Variants in FAM124A observed in about 807,000 individuals in gnomAD.
FAM124A encodes protein FAM124A.
FAM124A carries 23 observed loss-of-function variants against 24.5 expected under a neutral mutation model. That is an observed-to-expected ratio of 0.94 (90% CI 0.68 to 1.33). The LOEUF (loss-of-function observed/expected upper bound fraction) is 1.33. FAM124A is among the 40% of genes most tolerant of loss of function. FAM124A has a pLI of 0.00. For missense variants in FAM124A, 623 were observed against 722.8 expected (o/e 0.86, Z 1.58); for synonymous variants, 287 against 314.7 (o/e 0.91, Z 0.93).
intron 1 of FAM124A, among the ~76,000 whole-genome samples, chr13:51,229,257 A>C (rs891112245): frequency 6.6e-5 from 10 of 152,328 alleles, no homozygotes; most frequent in South Asian, 2.1e-4. Flanking sequence ...ATCCAGAGAG[A>C]GACATGATCA....
At chr13:51,274,278 C>T (rs1954865373) in intron 3 of FAM124A, among the ~76,000 whole-genome samples, 1 of 152,130 alleles carries the variant, frequency 6.6e-6, no homozygotes, top group South Asian at 2.1e-4. Flanking sequence ...CTCTGAAATG[C>T]TTGGGATCAG....
intron 3 of FAM124A, among the ~76,000 whole-genome samples, chr13:51,262,691 G>A (rs1371839601): frequency 1.3e-5 from 2 of 152,174 alleles, no homozygotes; most frequent in Non-Finnish European, 2.9e-5. Flanking sequence ...GCTTCATGCT[G>A]AGAGAATGAG....
intron 3 of FAM124A, chr13:51,253,203 T>C: frequency 6.6e-6 from 1 of 152,228 alleles, no homozygotes; most frequent in East Asian, 1.9e-4. Flanking sequence ...GCAAAGATTG[T>C]GGTTACTTGA....
At chr13:51,262,017 G>A (rs753297493) in intron 3 of FAM124A, among the ~76,000 whole-genome samples, 24 of 152,318 alleles carry the variant, frequency 1.6e-4, no homozygotes, top group Non-Finnish European at 3.2e-4. Context: ...TGAGAGCCAC[G>A]GCATAGGGAA....
At chr13:51,255,323 C>T (rs1446671115) in intron 3 of FAM124A, among the ~76,000 whole-genome samples, 2 of 152,190 alleles carry the variant, frequency 1.3e-5, no homozygotes, top group African/African-American at 4.8e-5. Context: ...ATGGCAGCCA[C>T]TAGCTACATA....
At chr13:51,275,262 T>C (rs1954876086) in intron 3 of FAM124A, among the ~76,000 whole-genome samples, 1 of 151,334 alleles carries the variant, frequency 6.6e-6, no homozygotes, top group South Asian at 2.1e-4. Context: ...CCTTTAGCTC[T>C]AGCTACTCAG....
chr13:51,247,922 G>A (rs1050174246), intron 2 of FAM124A, among the ~76,000 whole-genome samples: 1 of 152,202 alleles, frequency 6.6e-6, no homozygotes, highest in African/African-American at 2.4e-5. Context: ...AAAGAAGCCA[G>A]GCAGGCAGAA....
chr13:51,244,348 G>A (rs35833129), intron 2 of FAM124A, among the ~76,000 whole-genome samples: 79,774 of 152,098 alleles, frequency 0.52, 23,127 homozygotes, highest in Non-Finnish European at 0.66. Flanking sequence ...GCTCTCTGAA[G>A]GCAGAGACTG....
intron 3 of FAM124A, among the ~76,000 whole-genome samples, chr13:51,256,146 G>C (rs1954672267): frequency 6.6e-6 from 1 of 152,194 alleles, no homozygotes; most frequent in South Asian, 2.1e-4. Flanking sequence ...TTCTCCTTAA[G>C]AAGTGACTTG....
intron 3 of FAM124A, among the ~76,000 whole-genome samples, chr13:51,266,161 G>A (rs1954784089): frequency 6.6e-6 from 1 of 152,086 alleles, no homozygotes; most frequent in Non-Finnish European, 1.5e-5. Context: ...CCATTTTTAG[G>A]GGATAGTTTT....
chr13:51,267,567 A>G (rs1400824912), intron 3 of FAM124A, among the ~76,000 whole-genome samples: 1 of 152,172 alleles, frequency 6.6e-6, no homozygotes, highest in Non-Finnish European at 1.5e-5. Context: ...ATTAGGTTTT[A>G]TAGGTTTCTT....
chr13:51,280,836 G>T lies in FAM124A; in HGVS notation c.1221G>T (p.Glu407Asp), dbSNP rs1954929417. ...HGHLLSIDDLEGAQETDVDTG... is the reference protein window; with the variant it reads ...HGHLLSIDDLDGAQETDVDTG... ...ACCTCCTCTCCATCGATGACCTAGA[G>T]GGGGCCCAGGAGACAGACGTGGACA... Residue 407 changes from glutamate to aspartate, a missense_variant, in exon 4 of 4, where the codon GAG (glutamate) becomes GAT (aspartate). Transcript: ENST00000322475. The T allele has an allele frequency of 6.2e-7, 1 of 1,614,120 alleles. No homozygotes were observed. Among genetic ancestry groups the T allele is most frequent in the Non-Finnish European group, 8.5e-7 (1 of 1,180,030 alleles).
At chr13:51,267,852 G>A (rs75648972) in intron 3 of FAM124A, among the ~76,000 whole-genome samples, 4,744 of 152,296 alleles carry the variant, frequency 0.031, 85 homozygotes, top group Middle Eastern at 0.054. Context: ...CAGAAGTGCC[G>A]TGTTAGAATA....
chr13:51,238,255 A>G (rs1447982225), intron 2 of FAM124A, among the ~76,000 whole-genome samples: 1 of 152,182 alleles, frequency 6.6e-6, no homozygotes, highest in Non-Finnish European at 1.5e-5. Context: ...TGCTGCTCAG[A>G]GTGTGGTCCA....
intron 3 of FAM124A, among the ~76,000 whole-genome samples, chr13:51,270,289 AC>A (rs1382205362): frequency 6.6e-6 from 1 of 152,228 alleles, no homozygotes; most frequent in Non-Finnish European, 1.5e-5. Flanking sequence ...CTCATTATTT[AC>A]AACGTACTTG....
At chr13:51,248,965 T>C (rs965777283) in intron 2 of FAM124A, among the ~76,000 whole-genome samples, 2 of 152,200 alleles carry the variant, frequency 1.3e-5, no homozygotes, top group African/African-American at 4.8e-5. Context: ...TTGATCCTGA[T>C]ACCCCTTCAT....
At chr13:51,269,730 T>C (rs944883839) in intron 3 of FAM124A, among the ~76,000 whole-genome samples, 1 of 152,238 alleles carries the variant, frequency 6.6e-6, no homozygotes, top group Non-Finnish European at 1.5e-5. Context: ...ATTTGTGAGT[T>C]GAACTCAGTC....
chr13:51,229,428 C>T (rs553523205), intron 1 of FAM124A, among the ~76,000 whole-genome samples: 18 of 152,250 alleles, frequency 1.2e-4, no homozygotes, highest in Admixed American at 5.2e-4. Flanking sequence ...TATGCCAGCA[C>T]CTGTCCCAAG....
At chr13:51,276,502 T>C (rs551841734) in intron 3 of FAM124A, among the ~76,000 whole-genome samples, 3 of 152,310 alleles carry the variant, frequency 2.0e-5, no homozygotes, top group African/African-American at 7.2e-5. Context: ...TTTCAAACTT[T>C]CTACCAAAAA....
Sources: gnomAD v4.1 joint callset for allele counts (sites outside exome capture counted in the v4.1 genomes callset) on GRCh38, gnomAD v4.1.1 for gene constraint, MANE v1.5 for transcripts, NCBI Gene and HGNC (gene_info 2026-07-23, HGNC 2026-07-21) for gene names.